The following GUSB variants were observed in gnomAD, a reference collection of about 807,000 sequenced individuals.
The protein encoded by GUSB is beta-glucuronidase.
In GUSB, 51 loss-of-function variants were observed where a neutral mutation model predicts 74.6. The observed-to-expected ratio is 0.68, with a 90% CI of 0.55 to 0.86. The LOEUF (loss-of-function observed/expected upper bound fraction) is 0.86, where lower values mean the gene tolerates loss of function less well. Among genes scored for constraint, GUSB ranks in the 40% least tolerant of loss-of-function variants. The probability of loss-of-function intolerance (pLI) is 0.00; values close to 1 mark genes in which losing one functional copy is unlikely to be tolerated. For missense variants in GUSB, 736 were observed against 853.7 expected (o/e 0.86, Z 1.72); for synonymous variants, 360 against 348.3 (o/e 1.03, Z -0.37).
chr7:65,974,160 G>C (rs1005806586), intron 8 of GUSB, 135 bp downstream of exon 8: 1 of 789,812 alleles, frequency 1.3e-6, no homozygotes, highest in Non-Finnish European at 2.1e-6. Flanking sequence ...TTGGTCCCCT[G>C]AACTATCTGG....
At position 65,979,439 on chromosome 7, in the gene GUSB, G is replaced by T. The variant is rs375590538; in HGVS notation, c.684C>A (p.Ile228=). The stretch of plus-strand genomic sequence containing the variant: ...CGCTGGTGGTGACGGTGATGTCATC[G>T]ATGTAGGTGGTGGGTGTCGTGTACA... ...VLLYTTPTTY[I]DDITVTTSVE... Residue 228 remains isoleucine (I), a synonymous_variant, in exon 4 of 12, where the codon ATC becomes ATA. Transcript: ENST00000304895. 7.2e-5 allele frequency: 117 copies of T among 1,613,940 alleles called. No homozygotes were observed. The African/African-American group carries it at 1.4e-3, about 19-fold the overall frequency.
Position 65,982,184 on chromosome 7 carries a change from G to A in GUSB, c.-1C>T, listed in dbSNP as rs747348554. 6 of 1,509,466 alleles carry A rather than the reference G, an allele frequency of 4.0e-6. No individual in the cohort carries two copies. In the East Asian group the frequency reaches 7.8e-5, roughly 20 times the overall value. The allele number at this position is 1,509,466 out of a possible 1,614,324, so 93.5% of individuals were successfully genotyped here. A position where few individuals can be genotyped will look rare whatever the true frequency, so the allele number is the denominator to read the frequency against. On this transcript the variant is annotated 5_prime_UTR_variant, in exon 1 of 12. Coordinates refer to ENST00000304895, the MANE Select transcript of GUSB (RefSeq NM_000181.4). ...AGGCAACCGCCGACCCCCGGGCCATGCTTCCCGGTCCCCCGCTCGGCCACC... is the reference window on the plus strand; with the variant it reads ...AGGCAACCGCCGACCCCCGGGCCATACTTCCCGGTCCCCCGCTCGGCCACC...
At chr7:65,981,058 G>A (rs561941113) in intron 1 of GUSB, among the ~76,000 whole-genome samples, 60 of 152,256 alleles carry the variant, frequency 3.9e-4, no homozygotes, top group Middle Eastern at 3.4e-3. Context: ...CCCGATCCCC[G>A]GGCCCAGCTC....
chr7:65,972,832 T>TAC (rs763113328), intron 8 of GUSB, among the ~76,000 whole-genome samples: 7 of 152,198 alleles, frequency 4.6e-5, no homozygotes, highest in Non-Finnish European at 1.0e-4. Context: ...CACACCCCTG[T>TAC]GCCCCCAAGC....
At chr7:65,970,914 G>GA (rs768375219) in intron 8 of GUSB, among the ~76,000 whole-genome samples, 120 of 140,066 alleles carry the variant, frequency 8.6e-4, no homozygotes, top group Admixed American at 1.4e-3. Flanking sequence ...AAACAAAGGG[G>GA]AAAAAAAAAA....
chr7:65,974,231 C>T (rs934656347), intron 8 of GUSB, 64 bp downstream of exon 8: 18 of 1,555,324 alleles, frequency 1.2e-5, no homozygotes, highest in East Asian at 1.1e-4. Flanking sequence ...ACATGCCCAC[C>T]GAGGCCAGCC....
Position 65,961,079 on chromosome 7 carries a change from A to G in GUSB, c.1790-16T>C. On this transcript the variant is annotated splice_polypyrimidine_tract_variant and intron_variant, in intron 11 of 11. Coordinates refer to ENST00000304895, the MANE Select transcript of GUSB (RefSeq NM_000181.4). ...CTCGTCGGTGCTACAAAAAAAAAAA[A>G]AAGACACAAAGCGATTCAGATGTCT... is the stretch of plus-strand genomic sequence containing the variant. The G allele has an allele frequency of 6.2e-7, 1 of 1,612,666 alleles. No homozygotes were observed. The highest frequency in any genetic ancestry group is 8.5e-7 in the Non-Finnish European group (1 of 1,178,892).
intron 1 of GUSB, 138 bp downstream of exon 1, chr7:65,981,836 C>A (rs1378616072): frequency 6.6e-6 from 5 of 763,236 alleles, no homozygotes; most frequent in African/African-American, 1.8e-5. Context: ...AGCCGGCGCC[C>A]CCAAGCCCGT....
At chr7:65,970,171 A>C (rs1389709964) in intron 9 of GUSB, 111 bp downstream of exon 9, 15 of 763,806 alleles carry the variant, frequency 2.0e-5, no homozygotes, top group Non-Finnish European at 3.3e-5. Context: ...AGAAAATGAA[A>C]TAAAACCCAG....
At chr7:65,980,185 G>GGGGGGGGCCCC in intron 2 of GUSB, 39 bp downstream of exon 2, 7 of 725,274 alleles carry the variant, frequency 9.7e-6, no homozygotes, top group Non-Finnish European at 1.5e-5. Flanking sequence ...CAGCAGCCGT[G>GGGGGGGGCCCC]CCCCCCCACC....
At chr7:65,968,434 G>A (rs933031258) in intron 9 of GUSB, among the ~76,000 whole-genome samples, 5 of 152,138 alleles carry the variant, frequency 3.3e-5, no homozygotes, top group Non-Finnish European at 7.4e-5. Flanking sequence ...AGGCACAGCA[G>A]CTGCCAACGC....
chr7:65,963,837 C>T (rs1305200211), intron 11 of GUSB, among the ~76,000 whole-genome samples: 1 of 152,210 alleles, frequency 6.6e-6, no homozygotes. Context: ...TGAGCCACTA[C>T]ACCTGGCCTG....
chr7:65,961,188 GC>G, intron 11 of GUSB, 125 bp from the exon 12 acceptor site: 1 of 950,630 alleles, frequency 1.1e-6, no homozygotes, highest in Non-Finnish European at 1.6e-6. Context: ...TCTCCCTGTT[GC>G]CCAGGCTGGA....
At chr7:65,973,416 G>A (rs949730588) in intron 8 of GUSB, among the ~76,000 whole-genome samples, 12 of 152,226 alleles carry the variant, frequency 7.9e-5, no homozygotes, top group African/African-American at 2.2e-4. Context: ...GTGAAACCCC[G>A]TCTCTGCTAA....
chr7:65,978,109 C>G lies in GUSB; in HGVS notation c.724+1290G>C, dbSNP rs956560827. ...ACAGGCATGAGCCACCGCGCCCGCC[C>G]TGAAAAAGATATATTTTTAAAAAGA... On this transcript the variant is annotated intron_variant, in intron 4 of 11. Coordinates refer to ENST00000304895, the MANE Select transcript of GUSB (RefSeq NM_000181.4). 2.0e-5 allele frequency among the ~76,000 whole-genome samples: 3 copies of G among 152,094 alleles called. No individual in the cohort carries two copies. In the East Asian group the frequency reaches 5.8e-4, roughly 29 times the overall value.
intron 10 of GUSB, 124 bp from the exon 11 acceptor site, chr7:65,964,582 C>T: frequency 1.2e-6 from 1 of 811,642 alleles, no homozygotes; most frequent in South Asian, 1.5e-5. Context: ...ATAGTGACTG[C>T]AGGACTCACT....
chr7:65,970,155 TA>T, intron 9 of GUSB, 126 bp downstream of exon 9: 2 of 716,704 alleles, frequency 2.8e-6, no homozygotes, highest in Non-Finnish European at 5.1e-6. Context: ...TCTTTTTAAG[TA>T]AAAAAGAAAA....
At chr7:65,976,589 T>C (rs1009367229) in intron 4 of GUSB, among the ~76,000 whole-genome samples, 1 of 151,588 alleles carries the variant, frequency 6.6e-6, no homozygotes, top group Admixed American at 6.6e-5. Context: ...CCTCCCAAAG[T>C]GCTGGGATTA....
intron 10 of GUSB, among the ~76,000 whole-genome samples, chr7:65,965,229 G>A (rs984333610): frequency 6.6e-6 from 1 of 152,012 alleles, no homozygotes; most frequent in Non-Finnish European, 1.5e-5. Context: ...AACACAGTGA[G>A]ACCCAGTCTC....
Sources: gnomAD v4.1 joint callset for allele counts (sites outside exome capture counted in the v4.1 genomes callset) on GRCh38, gnomAD v4.1.1 for gene constraint, MANE v1.5 for transcripts, NCBI Gene and HGNC (gene_info 2026-07-23, HGNC 2026-07-21) for gene names.